KLHL29: variants seen among roughly 807,000 people sequenced by gnomAD.
The protein encoded by KLHL29 is kelch-like protein 29.
In KLHL29, 21 loss-of-function variants were observed where a neutral mutation model predicts 80.4. The observed-to-expected ratio is 0.26, with a 90% CI of 0.19 to 0.38. KLHL29 has a LOEUF of 0.38. KLHL29 is among the 10% of genes least tolerant of loss of function. The pLI is 1.00. For synonymous variants in KLHL29, 511 were observed against 526.8 expected, an observed-to-expected ratio of 0.97 and a Z score of 0.41; for missense variants, 867 against 1,223.9, an observed-to-expected ratio of 0.71 and a Z score of 4.35.
At chr2:23,653,680 C>T (rs1345736660) in intron 5 of KLHL29, among the ~76,000 whole-genome samples, 4 of 152,192 alleles carry the variant, frequency 2.6e-5, no homozygotes, top group Non-Finnish European at 5.9e-5. Context: ...GAAAAGGTGA[C>T]AAGGGCAAAC....
intron 2 of KLHL29, among the ~76,000 whole-genome samples, chr2:23,549,776 ATCC>A (rs1558384056): frequency 2.0e-4 from 31 of 152,162 alleles, no homozygotes; most frequent in African/African-American, 7.5e-4. Flanking sequence ...GGCCCCGGAG[ATCC>A]CCTCTGTCGG....
chr2:23,581,482 C>T (rs959032439), intron 3 of KLHL29, among the ~76,000 whole-genome samples: 2 of 152,148 alleles, frequency 1.3e-5, no homozygotes, highest in African/African-American at 4.8e-5. Flanking sequence ...TCCTGATCCG[C>T]CTTCCACTGT....
At chr2:23,547,436 C>T (rs1231460992) in intron 2 of KLHL29, among the ~76,000 whole-genome samples, 1 of 152,096 alleles carries the variant, frequency 6.6e-6, no homozygotes, top group Non-Finnish European at 1.5e-5. Flanking sequence ...TGTGGCCCCA[C>T]AGGTCACTTA....
rs2149174925 is a variant in KLHL29, at chr2:23,669,783, G to A, written c.941-14616G>A. Among the ~76,000 whole-genome samples the A allele has an allele frequency of 6.6e-6, 1 of 152,300 alleles. No homozygotes were observed. The highest frequency in any genetic ancestry group is 3.4e-3 in the Middle Eastern group (1 of 294). ...CCCCAGAACCCAGGGCTGCAGCCGA[G>A]TACACAGGCCTGGCCCCGCCAGCGC... On this transcript the variant is annotated intron_variant, in intron 5 of 13. Coordinates refer to ENST00000486442, the MANE Select transcript of KLHL29 (RefSeq NM_052920.2). The surrounding 1 kb of genome is among the most constrained non-coding windows in gnomAD (Gnocchi z 4.3).
chr2:23,633,211 T>C (rs1285795247), intron 3 of KLHL29, among the ~76,000 whole-genome samples: 1 of 152,146 alleles, frequency 6.6e-6, no homozygotes, highest in Non-Finnish European at 1.5e-5. Flanking sequence ...GGCATTGTCT[T>C]CCCTGGGGCT....
chr2:23,658,994 C>T (rs1670326465), intron 5 of KLHL29, among the ~76,000 whole-genome samples: 1 of 152,222 alleles, frequency 6.6e-6, no homozygotes. Flanking sequence ...CACTCACTCT[C>T]CCCACCACCC....
chr2:23,394,893 G>T (rs1468257585), intron 1 of KLHL29, among the ~76,000 whole-genome samples: 1 of 152,334 alleles, frequency 6.6e-6, no homozygotes, highest in Non-Finnish European at 1.5e-5. Flanking sequence ...TTCCTGGGGT[G>T]TGCTGATTTG....
At chr2:23,454,990 G>A (rs1421250429) in intron 1 of KLHL29, among the ~76,000 whole-genome samples, 1 of 95,926 alleles carries the variant, frequency 1.0e-5, no homozygotes, top group South Asian at 5.6e-4. Context: ...GTAGAAACAG[G>A]AACAGTGGGT....
chr2:23,518,267 G>A (rs1558369404), intron 2 of KLHL29, among the ~76,000 whole-genome samples: 2 of 152,192 alleles, frequency 1.3e-5, no homozygotes, highest in Non-Finnish European at 1.5e-5. Context: ...ACAGTCTTAA[G>A]CAGTTTTCAC....
At chr2:23,406,935 A>C (rs192457084) in intron 1 of KLHL29, among the ~76,000 whole-genome samples, 3 of 152,370 alleles carry the variant, frequency 2.0e-5, no homozygotes, top group Admixed American at 2.0e-4. Flanking sequence ...AGAGATAAAA[A>C]AACAATTAAC....
intron 3 of KLHL29, among the ~76,000 whole-genome samples, chr2:23,577,972 A>G (rs1204280436): frequency 6.6e-6 from 1 of 152,176 alleles, no homozygotes. Flanking sequence ...GGAGCAGAAG[A>G]AAGCTTCCTG....
chr2:23,564,153 C>A (rs1392106381), intron 3 of KLHL29, among the ~76,000 whole-genome samples: 1 of 152,250 alleles, frequency 6.6e-6, no homozygotes, highest in Non-Finnish European at 1.5e-5. Context: ...GGATACATGC[C>A]TTTGTAGGGA....
chr2:23,694,872 G>A (rs1241462895), intron 8 of KLHL29, among the ~76,000 whole-genome samples: 1 of 151,970 alleles, frequency 6.6e-6, no homozygotes, highest in East Asian at 1.9e-4. Context: ...CTTGCCCCTC[G>A]TGAATTTTTC....
intron 2 of KLHL29, among the ~76,000 whole-genome samples, chr2:23,530,510 G>A (rs187749017): frequency 2.6e-5 from 4 of 152,204 alleles, no homozygotes; most frequent in Non-Finnish European, 2.9e-5. Context: ...ACATGTTAGC[G>A]TTTTCCTACC....
In KLHL29 at chr2:23,680,038, C is replaced by T. The variant is rs1012655160; in HGVS notation, c.941-4361C>T. On this transcript the variant is annotated intron_variant, in intron 5 of 13. Transcript: ENST00000486442. This position sits in a 1 kb window ranked among gnomAD's most constrained non-coding sequence, Gnocchi z 4.1. ...CCAGAGGGCTGTGCTGCCCCTTCAG[C>T]CCCGAAGGATTTGTGTGGCCAGTGG... Among the ~76,000 whole-genome samples the T allele has an allele frequency of 6.6e-6, 1 of 152,138 alleles. No individual in the cohort carries two copies. Among genetic ancestry groups the T allele is most frequent in the East Asian group, 1.9e-4 (1 of 5,184 alleles).
rs150685284 is a variant in KLHL29, at chr2:23,493,658, C to T, written c.-46+17991C>T. ...GTGTGTGTGTGAGTGTGTGTGTGTG[C>T]GCGCATGTGTGTGCATGTGTATGTG... On this transcript the variant is annotated intron_variant, in intron 2 of 13. Transcript: ENST00000486442. Among the ~76,000 whole-genome samples the T allele has an allele frequency of 6.9e-4, 104 of 151,586 alleles. No individual in the cohort carries two copies. In the East Asian group the frequency reaches 0.012, roughly 18 times the overall value.
At chr2:23,615,055 G>A (rs1300557606) in intron 3 of KLHL29, among the ~76,000 whole-genome samples, 4 of 152,140 alleles carry the variant, frequency 2.6e-5, no homozygotes, top group African/African-American at 7.2e-5. Context: ...TAGAACCTGC[G>A]CTTCCTTTCA....
At chr2:23,389,699 A>G (rs1352878898) in intron 1 of KLHL29, among the ~76,000 whole-genome samples, 17 of 150,434 alleles carry the variant, frequency 1.1e-4, no homozygotes, top group South Asian at 8.5e-4. Flanking sequence ...GAAAAAAAAA[A>G]GGGGGGGGCG....
At chr2:23,576,522 A>G (rs934541620) in intron 3 of KLHL29, among the ~76,000 whole-genome samples, 24 of 152,330 alleles carry the variant, frequency 1.6e-4, no homozygotes, top group African/African-American at 5.5e-4. Flanking sequence ...ATTAGGTTCC[A>G]TGTACCACAT....
Sources: allele counts gnomAD v4.1 joint callset (sites outside exome capture counted in the v4.1 genomes callset), GRCh38; gene constraint gnomAD v4.1.1; non-coding constraint Gnocchi (gnomAD v3.1); transcripts MANE v1.5; gene names NCBI Gene and HGNC (gene_info 2026-07-23, HGNC 2026-07-21).